Variants in ELAVL4 observed in about 807,000 individuals in gnomAD.
ELAVL4 encodes ELAV-like protein 4.
A neutral mutation model predicts 35.6 loss-of-function variants in ELAVL4; 1 was observed. That is an observed-to-expected ratio of 0.03 (90% CI 0.01 to 0.13). The LOEUF is 0.13. Ranked by LOEUF, ELAVL4 falls within the 10% of genes least tolerant of loss-of-function variation. ELAVL4 has a pLI of 1.00. For synonymous variants in ELAVL4, 156 were observed against 171.0 expected (o/e 0.91, Z 0.69); for missense variants, 267 against 464.9 (o/e 0.57, Z 3.91).
chr1:50,182,028 C>A (rs1470228682), intron 3 of ELAVL4, among the ~76,000 whole-genome samples: 1 of 152,250 alleles, frequency 6.6e-6, no homozygotes, highest in Admixed American at 6.5e-5. Context: ...ATTTTAGACT[C>A]TGCAAATGGC....
At position 50,080,582 on chromosome 1, in the gene ELAVL4, T is replaced by C. The variant is rs145959453; in HGVS notation, c.18+32400T>C. On this transcript the variant is annotated intron_variant, in intron 1 of 6. Transcript: ENST00000448907. ...TGATGAAATATCTTCTGTAGCTCCC[T>C]GACATCTCCATCAGAAAATCTAAAG... 2.2e-4 allele frequency among the ~76,000 whole-genome samples: 34 copies of C among 152,356 alleles called. No homozygotes were observed. In the East Asian group the frequency reaches 5.4e-3, roughly 24 times the overall value.
chr1:50,163,658 T>A (rs1248033948), intron 2 of ELAVL4, among the ~76,000 whole-genome samples: 2 of 152,098 alleles, frequency 1.3e-5, no homozygotes, highest in Non-Finnish European at 2.9e-5. Flanking sequence ...AAATCTCGTC[T>A]CTACTAAAAA....
At chr1:50,144,684 A>C in intron 1 of ELAVL4, 2 of 620,644 alleles carry the variant, frequency 3.2e-6, no homozygotes, top group Non-Finnish European at 6.0e-6. Flanking sequence ...TAATGAAAAC[A>C]GGAATTAGCT....
At chr1:50,191,291 C>T (rs939044160) in intron 3 of ELAVL4, among the ~76,000 whole-genome samples, 18 of 152,010 alleles carry the variant, frequency 1.2e-4, no homozygotes, top group Non-Finnish European at 2.4e-4. Context: ...GAGGTCTAGT[C>T]CTAGAACAAT....
At chr1:50,152,715 G>T (rs2148719428) in intron 2 of ELAVL4, among the ~76,000 whole-genome samples, 1 of 152,044 alleles carries the variant, frequency 6.6e-6, no homozygotes, top group East Asian at 1.9e-4. Flanking sequence ...GATAAACTCT[G>T]TATCTGTGTT....
intron 1 of ELAVL4, among the ~76,000 whole-genome samples, chr1:50,077,877 C>G (rs1664835201): frequency 6.6e-6 from 1 of 152,102 alleles, no homozygotes; most frequent in South Asian, 2.1e-4. Flanking sequence ...GTTAGAGAGT[C>G]CATGTCTACA....
chr1:50,153,714 G>A (rs1017157236), intron 2 of ELAVL4, among the ~76,000 whole-genome samples: 31 of 152,254 alleles, frequency 2.0e-4, no homozygotes, highest in African/African-American at 6.5e-4. Context: ...TTATGTCCCC[G>A]CAAAATTCTT....
At chr1:50,146,422 C>T (rs1673738479) in intron 2 of ELAVL4, among the ~76,000 whole-genome samples, 2 of 152,166 alleles carry the variant, frequency 1.3e-5, no homozygotes, top group Non-Finnish European at 1.5e-5. Flanking sequence ...TAATGCTTGT[C>T]TCAAAGGGCT....
intron 2 of ELAVL4, among the ~76,000 whole-genome samples, chr1:50,145,986 AT>A (rs1673637228): frequency 6.6e-6 from 1 of 152,062 alleles, no homozygotes; most frequent in African/African-American, 2.4e-5. Context: ...CAGTGAGAAT[AT>A]TTTCTTGGAA....
At chr1:50,051,371 G>T (rs943172701) in intron 1 of ELAVL4, among the ~76,000 whole-genome samples, 1 of 152,168 alleles carries the variant, frequency 6.6e-6, no homozygotes, top group Non-Finnish European at 1.5e-5. Context: ...AATATTAGCT[G>T]AATGTAAGGG....
At chr1:50,099,429 G>A (rs1034919318), upstream of ELAVL4, among the ~76,000 whole-genome samples, 7 of 151,810 alleles carry the variant, frequency 4.6e-5, no homozygotes, top group South Asian at 2.1e-4. Context: ...GCATGGTGGC[G>A]CATGCCTGTA....
chr1:50,174,120 A>G (rs945223870), intron 2 of ELAVL4, among the ~76,000 whole-genome samples: 3 of 152,220 alleles, frequency 2.0e-5, no homozygotes, highest in Middle Eastern at 3.2e-3. Flanking sequence ...CTACTGAAAT[A>G]GTTTCTAAAA....
intron 1 of ELAVL4, among the ~76,000 whole-genome samples, chr1:50,137,159 T>C (rs1233277126): frequency 6.6e-6 from 1 of 152,134 alleles, no homozygotes. Flanking sequence ...CAGGCTTGAA[T>C]GGGAAGGAAC....
At chr1:50,131,052 CT>C (rs1385480719) in intron 1 of ELAVL4, among the ~76,000 whole-genome samples, 2 of 152,084 alleles carry the variant, frequency 1.3e-5, no homozygotes, top group African/African-American at 4.8e-5. Context: ...AACAAATTTT[CT>C]TTGTATCTGT....
intron 1 of ELAVL4, among the ~76,000 whole-genome samples, chr1:50,054,073 A>G (rs1557677375): frequency 6.6e-6 from 1 of 152,206 alleles, no homozygotes; most frequent in Non-Finnish European, 1.5e-5. Context: ...GAGAGGAGTG[A>G]GCAAGGAGGA....
At chr1:50,086,402 G>A (rs1467378397) in intron 1 of ELAVL4, among the ~76,000 whole-genome samples, 1 of 151,060 alleles carries the variant, frequency 6.6e-6, no homozygotes, top group Non-Finnish European at 1.5e-5. Flanking sequence ...GAAAAAAATA[G>A]ATTTCAAAAT....
chr1:50,134,369 T>G (rs1304633747), intron 1 of ELAVL4, among the ~76,000 whole-genome samples: 2 of 152,210 alleles, frequency 1.3e-5, no homozygotes, highest in African/African-American at 4.8e-5. Context: ...TCATTAATTA[T>G]GAGAAAGACT....
chr1:50,119,291 C>T (rs1376783680), intron 1 of ELAVL4, among the ~76,000 whole-genome samples: 7 of 152,014 alleles, frequency 4.6e-5, no homozygotes, highest in Admixed American at 4.6e-4. Context: ...AGAAATATAT[C>T]TGTAAAAAGC....
At chr1:50,049,545 T>C (rs1430516561) in intron 1 of ELAVL4, among the ~76,000 whole-genome samples, 1 of 152,190 alleles carries the variant, frequency 6.6e-6, no homozygotes, top group East Asian at 1.9e-4. Flanking sequence ...AAAGTGACAG[T>C]ACAATGCTGC....
Sources: allele counts gnomAD v4.1 joint callset (sites outside exome capture counted in the v4.1 genomes callset), GRCh38; gene constraint gnomAD v4.1.1; transcripts MANE v1.5; gene names NCBI Gene and HGNC (gene_info 2026-07-23, HGNC 2026-07-21).